Variants in FBXL7 observed in about 807,000 individuals in gnomAD.
FBXL7 encodes F-box/LRR-repeat protein 7.
In FBXL7, 12 loss-of-function variants were observed where a neutral mutation model predicts 38.3. That is an observed-to-expected ratio of 0.31 (90% CI 0.20 to 0.51). The LOEUF is 0.51. Ranked by LOEUF, FBXL7 falls within the 20% of genes least tolerant of loss-of-function variation. The probability of loss-of-function intolerance (pLI) is 0.98; values close to 1 mark genes in which losing one functional copy is unlikely to be tolerated. For missense variants in FBXL7, 567 were observed against 676.4 expected (o/e 0.84, Z 1.79); for synonymous variants, 297 against 300.9 (o/e 0.99, Z 0.13).
intron 1 of FBXL7, chr5:15,580,677 C>G (rs1337515278): frequency 1.0e-6 from 1 of 985,296 alleles, no homozygotes; most frequent in Non-Finnish European, 1.2e-6. Flanking sequence ...AAATTAACCT[C>G]TGGGTCCGGG....
rs544884311 is a variant in FBXL7, at chr5:15,738,337, A to G, written c.127+122265A>G. ...AACACAGTGCTATCCAAATATTTGT[A>G]ACTATTTTCCAAAAAATATATAATT... is the stretch of plus-strand genomic sequence containing the variant. On this transcript the variant is annotated intron_variant, in intron 2 of 3. Transcript: ENST00000504595. Among the ~76,000 whole-genome samples the G allele has an allele frequency of 2.6e-5, 4 of 152,326 alleles. No homozygotes were observed. The South Asian group carries it at 8.3e-4, about 32-fold the overall frequency.
intron 2 of FBXL7, among the ~76,000 whole-genome samples, chr5:15,783,360 AC>A (rs1737048849): frequency 6.6e-6 from 1 of 152,178 alleles, no homozygotes; most frequent in Admixed American, 6.5e-5. Context: ...TGGGTGTGAC[AC>A]TGAGACGAGA....
rs186920885 is a variant in FBXL7, at chr5:15,704,704, A to G, written c.127+88632A>G. Among the ~76,000 whole-genome samples the G allele has an allele frequency of 2.6e-3, 394 of 152,344 alleles. 4 individuals carry two copies. Among genetic ancestry groups the G allele is most frequent in the African/African-American group, 9.0e-3 (374 of 41,578 alleles). ...ATGTTTTTATTTCTTTTTGAAATCC[A>G]GAATGCTCTTTGTCATTTGACAATG... is the stretch of plus-strand genomic sequence containing the variant. On this transcript the variant is annotated intron_variant, in intron 2 of 3. Coordinates refer to ENST00000504595, the MANE Select transcript of FBXL7 (RefSeq NM_012304.5).
At chr5:15,794,266 C>T (rs1737357243) in intron 2 of FBXL7, among the ~76,000 whole-genome samples, 1 of 152,186 alleles carries the variant, frequency 6.6e-6, no homozygotes, top group African/African-American at 2.4e-5. Flanking sequence ...AACACTCAGA[C>T]TGTTTCCATA....
At chr5:15,656,490 AAATGATAAAAAC>A (rs1015651069) in intron 2 of FBXL7, among the ~76,000 whole-genome samples, 1 of 152,170 alleles carries the variant, frequency 6.6e-6, no homozygotes, top group African/African-American at 2.4e-5. Flanking sequence ...GCAAAAACGG[AAATGATAAAAAC>A]ATCAGATCTT....
intron 1 of FBXL7, among the ~76,000 whole-genome samples, chr5:15,549,195 C>T (rs1737996153): frequency 6.6e-6 from 1 of 152,206 alleles, no homozygotes; most frequent in African/African-American, 2.4e-5. Context: ...CAAGCTAATA[C>T]ATGAGGCATA....
intron 1 of FBXL7, among the ~76,000 whole-genome samples, chr5:15,604,504 G>T (rs1739933794): frequency 6.6e-6 from 1 of 152,024 alleles, no homozygotes; most frequent in Non-Finnish European, 1.5e-5. Flanking sequence ...ACAGGCGTGT[G>T]CCACCACACC....
intron 2 of FBXL7, among the ~76,000 whole-genome samples, chr5:15,755,155 A>G: frequency 6.6e-6 from 1 of 152,186 alleles, no homozygotes; most frequent in African/African-American, 2.4e-5. Flanking sequence ...TTGCCTGAAA[A>G]CAAGTTTGTA....
At chr5:15,661,700 A>G (rs1430388137) in intron 2 of FBXL7, among the ~76,000 whole-genome samples, 1 of 152,018 alleles carries the variant, frequency 6.6e-6, no homozygotes, top group Non-Finnish European at 1.5e-5. Context: ...CCTCCTCCCA[A>G]CCTTCACCTT....
At chr5:15,737,482 T>C (rs1735786068) in intron 2 of FBXL7, among the ~76,000 whole-genome samples, 1 of 152,198 alleles carries the variant, frequency 6.6e-6, no homozygotes, top group African/African-American at 2.4e-5. Flanking sequence ...GGTAGAATAG[T>C]GACTATTTTA....
chr5:15,575,464 T>C (rs1738927404), intron 1 of FBXL7, among the ~76,000 whole-genome samples: 1 of 152,244 alleles, frequency 6.6e-6, no homozygotes, highest in Non-Finnish European at 1.5e-5. Context: ...AATAGCTTTC[T>C]GTTTTTAGTG....
chr5:15,863,690 G>A (rs868246014), intron 2 of FBXL7, among the ~76,000 whole-genome samples: 4 of 152,336 alleles, frequency 2.6e-5, no homozygotes, highest in South Asian at 2.1e-4. Context: ...CATGGAGACA[G>A]AGCCCTCATG....
chr5:15,536,056 G>A (rs1737574142), intron 1 of FBXL7, among the ~76,000 whole-genome samples: 1 of 152,248 alleles, frequency 6.6e-6, no homozygotes, highest in Non-Finnish European at 1.5e-5. Flanking sequence ...GCTTCAGAGG[G>A]TGCAAGCCCC....
At chr5:15,669,643 C>G (rs1028891301) in intron 2 of FBXL7, among the ~76,000 whole-genome samples, 1 of 152,146 alleles carries the variant, frequency 6.6e-6, no homozygotes, top group Non-Finnish European at 1.5e-5. Flanking sequence ...CAGCTCCTTC[C>G]GTATTCTTCC....
intron 2 of FBXL7, among the ~76,000 whole-genome samples, chr5:15,643,839 CT>C (rs1250002148): frequency 6.6e-6 from 1 of 152,132 alleles, no homozygotes; most frequent in Admixed American, 6.5e-5. Flanking sequence ...GAGGTGGCTC[CT>C]TGGGGTTCAT....
At chr5:15,792,570 A>G (rs1737303792) in intron 2 of FBXL7, among the ~76,000 whole-genome samples, 1 of 152,166 alleles carries the variant, frequency 6.6e-6, no homozygotes, top group Non-Finnish European at 1.5e-5. Context: ...AAAAGCAGTG[A>G]TGTTGGAGTT....
intron 2 of FBXL7, among the ~76,000 whole-genome samples, chr5:15,722,375 T>C (rs1268190437): frequency 6.6e-6 from 1 of 152,152 alleles, no homozygotes; most frequent in Non-Finnish European, 1.5e-5. Context: ...TGCACGTATA[T>C]ACCTGGACAT....
At chr5:15,799,613 C>T (rs936096839) in intron 2 of FBXL7, among the ~76,000 whole-genome samples, 9 of 152,152 alleles carry the variant, frequency 5.9e-5, no homozygotes, top group Non-Finnish European at 1.2e-4. Flanking sequence ...CCACCAGCCT[C>T]GGCCTCCCGA....
intron 2 of FBXL7, among the ~76,000 whole-genome samples, chr5:15,715,448 G>A (rs1020777515): frequency 7.4e-5 from 10 of 135,622 alleles, no homozygotes; most frequent in African/African-American, 1.7e-4. Flanking sequence ...CCGAGATTGC[G>A]CCACTGCACT....
Sources: allele counts gnomAD v4.1 joint callset (sites outside exome capture counted in the v4.1 genomes callset), GRCh38; gene constraint gnomAD v4.1.1; transcripts MANE v1.5; gene names NCBI Gene and HGNC (gene_info 2026-07-23, HGNC 2026-07-21).